The following CDC14A variants were observed in gnomAD, a reference collection of about 807,000 sequenced individuals.
The protein encoded by CDC14A is cell division cycle 14A.
A neutral mutation model predicts 74.4 loss-of-function variants in CDC14A; 53 were observed. The observed-to-expected ratio is 0.71, with a 90% CI of 0.57 to 0.89. The LOEUF is 0.89. Ranked by LOEUF, CDC14A falls within the 40% of genes least tolerant of loss-of-function variation. CDC14A has a pLI of 0.00. For synonymous variants in CDC14A, 247 were observed against 258.4 expected (o/e 0.96, Z 0.43); for missense variants, 646 against 713.7 (o/e 0.91, Z 1.08).
At chr1:100,383,222 T>TTA (rs1309494822) in intron 3 of CDC14A, among the ~76,000 whole-genome samples, 1 of 152,140 alleles carries the variant, frequency 6.6e-6, no homozygotes, top group Non-Finnish European at 1.5e-5. Flanking sequence ...AGAACCCCGT[T>TTA]TATAGAGAAT....
intron 3 of CDC14A, among the ~76,000 whole-genome samples, chr1:100,385,824 A>C (rs1656768532): frequency 6.6e-6 from 1 of 152,222 alleles, no homozygotes; most frequent in Non-Finnish European, 1.5e-5. Flanking sequence ...ACAAGTGAGC[A>C]ATAAATGCGA....
chr1:100,464,037 A>G (rs951302292), intron 9 of CDC14A, among the ~76,000 whole-genome samples: 5 of 152,120 alleles, frequency 3.3e-5, no homozygotes, highest in Non-Finnish European at 2.9e-5. Context: ...TCAGACGAGT[A>G]TGGCTTTGGT....
At chr1:100,464,926 CTTTT>C (rs58978094) in intron 9 of CDC14A, among the ~76,000 whole-genome samples, 3 of 138,820 alleles carry the variant, frequency 2.2e-5, no homozygotes, top group Admixed American at 7.2e-5. Context: ...CTTTTCTTTT[CTTTT>C]TTTTTTTTTT....
Position 100,495,915 on chromosome 1 carries a change from T to C in CDC14A, c.1251-87T>C. On this transcript the variant is annotated intron_variant, in intron 12 of 15. Transcript: ENST00000336454. ...CCTTTTGCTAATTTAATATTTTTAC[T>C]GGTTTGATACCATTTGATGTGCCTT... The C allele has an allele frequency of 2.8e-6, 3 of 1,062,570 alleles. No homozygotes were observed. The South Asian group carries it at 3.9e-5, about 14-fold the overall frequency. The allele number at this position is 1,062,570 out of a possible 1,614,324, so 65.8% of individuals were successfully genotyped here.
chr1:100,498,345 TG>T, intron 14 of CDC14A, 138 bp downstream of exon 14: 1 of 942,894 alleles, frequency 1.1e-6, no homozygotes, highest in East Asian at 2.4e-5. Flanking sequence ...TGTGATGTTC[TG>T]GGGCTTCCGT....
At chr1:100,435,226 G>A (rs1289933782) in intron 5 of CDC14A, among the ~76,000 whole-genome samples, 1 of 152,192 alleles carries the variant, frequency 6.6e-6, no homozygotes, top group African/African-American at 2.4e-5. Context: ...AAAGGAGGTT[G>A]GAAGTAGTGT....
chr1:100,455,630 A>G (rs938392546), intron 8 of CDC14A, 138 bp downstream of exon 8: 11 of 612,980 alleles, frequency 1.8e-5, no homozygotes, highest in African/African-American at 3.8e-5. Context: ...ATTGAACAGT[A>G]GTAATAGTGT....
At chr1:100,412,728 T>TATATATATATATATATAAAAA (rs1557732405) in intron 4 of CDC14A, among the ~76,000 whole-genome samples, 1 of 98,236 alleles carries the variant, frequency 1.0e-5, no homozygotes, top group African/African-American at 5.2e-5. Context: ...ATATATTTTA[T>TATATATATATATATATAAAAA]ATATATATAT....
chr1:100,426,904 C>A (rs1457764261), intron 5 of CDC14A, among the ~76,000 whole-genome samples: 2 of 152,270 alleles, frequency 1.3e-5, no homozygotes, highest in South Asian at 4.1e-4. Context: ...GAAAATACCA[C>A]AAAGTAGTAC....
chr1:100,464,294 G>A (rs1667591716), intron 9 of CDC14A, among the ~76,000 whole-genome samples: 1 of 152,044 alleles, frequency 6.6e-6, no homozygotes, highest in Admixed American at 6.5e-5. Context: ...GATGGGCCCT[G>A]GCTTTGTGGG....
intron 3 of CDC14A, among the ~76,000 whole-genome samples, chr1:100,389,462 A>ATAT (rs373211441): frequency 2.7e-4 from 41 of 149,812 alleles, no homozygotes; most frequent in African/African-American, 8.9e-4. Flanking sequence ...AAAAAAAAAA[A>ATAT]ATATATATAT....
intron 7 of CDC14A, among the ~76,000 whole-genome samples, chr1:100,443,642 A>AT (rs1665208150): frequency 6.6e-6 from 1 of 151,942 alleles, no homozygotes; most frequent in Non-Finnish European, 1.5e-5. Context: ...GCCCCCTTAT[A>AT]ATATTTTTGG....
At chr1:100,493,835 C>T (rs892424738) in intron 11 of CDC14A, among the ~76,000 whole-genome samples, 1 of 151,980 alleles carries the variant, frequency 6.6e-6, no homozygotes, top group Non-Finnish European at 1.5e-5. Context: ...CATAGGTGGC[C>T]GGGATTGAGG....
At chr1:100,351,618 C>A (rs1250434524), upstream of CDC14A, 15 of 723,982 alleles carry the variant, frequency 2.1e-5, no homozygotes, top group East Asian at 4.0e-4. Flanking sequence ...TCCTCTCTCT[C>A]CTGTTCCCTC....
intron 5 of CDC14A, among the ~76,000 whole-genome samples, chr1:100,429,058 G>T (rs1557750441): frequency 6.6e-6 from 1 of 151,838 alleles, no homozygotes; most frequent in South Asian, 2.1e-4. Context: ...AAAAAAAGTA[G>T]CCAGCCATGG....
intron 2 of CDC14A, among the ~76,000 whole-genome samples, chr1:100,357,919 G>T (rs993987349): frequency 6.6e-6 from 1 of 152,172 alleles, no homozygotes; most frequent in Non-Finnish European, 1.5e-5. Context: ...AGCATTCCAT[G>T]ATTGAAATGT....
intron 6 of CDC14A, among the ~76,000 whole-genome samples, chr1:100,440,876 A>G (rs1239084420): frequency 6.6e-6 from 1 of 152,184 alleles, no homozygotes; most frequent in African/African-American, 2.4e-5. Context: ...AAACCCTATC[A>G]AACTTTAAAA....
chr1:100,346,657 T>C (rs989649331), intron 1 of CDC14A, among the ~76,000 whole-genome samples: 6 of 149,686 alleles, frequency 4.0e-5, no homozygotes, highest in Admixed American at 3.3e-4. Flanking sequence ...AAAGTAGTAA[T>C]GACAAATAAA....
chr1:100,443,196 C>A, intron 7 of CDC14A, 200 bp downstream of exon 7: 1 of 505,394 alleles, frequency 2.0e-6, no homozygotes. Context: ...GGAAAAACAA[C>A]ATATCTATAT....
Sources: allele counts gnomAD v4.1 joint callset (sites outside exome capture counted in the v4.1 genomes callset), GRCh38; gene constraint gnomAD v4.1.1; transcripts MANE v1.5; gene names NCBI Gene and HGNC (gene_info 2026-07-23, HGNC 2026-07-21).